Variants in ATP2B2 observed in about 807,000 individuals in gnomAD.
The protein encoded by ATP2B2 is plasma membrane calcium-transporting ATPase 2.
ATP2B2 carries 15 observed loss-of-function variants against 120.0 expected under a neutral mutation model. That is an observed-to-expected ratio of 0.12 (90% CI 0.08 to 0.19). The LOEUF (loss-of-function observed/expected upper bound fraction) is 0.19. Ranked by LOEUF, ATP2B2 falls within the 10% of genes least tolerant of loss-of-function variation. The pLI, the probability that ATP2B2 is intolerant of heterozygous loss-of-function variation, is 1.00. For synonymous variants in ATP2B2, 694 were observed against 700.3 expected, an observed-to-expected ratio of 0.99 and a Z score of 0.14; for missense variants, 1,045 against 1,719.8, an observed-to-expected ratio of 0.61 and a Z score of 6.94.
chr3:10,513,220 G>T (rs900407653), intron 3 of ATP2B2, among the ~76,000 whole-genome samples: 2 of 152,206 alleles, frequency 1.3e-5, no homozygotes, highest in Non-Finnish European at 2.9e-5. Context: ...TCCTCGAGGG[G>T]GTGATGACTG....
intron 1 of ATP2B2, among the ~76,000 whole-genome samples, chr3:10,692,317 C>G (rs1407056576): frequency 6.6e-6 from 1 of 152,204 alleles, no homozygotes; most frequent in Non-Finnish European, 1.5e-5. Context: ...TGCCTCTCCC[C>G]CCAACCGTCA....
At chr3:10,547,246 G>A (rs554805474) in intron 2 of ATP2B2, among the ~76,000 whole-genome samples, 7 of 152,218 alleles carry the variant, frequency 4.6e-5, no homozygotes, top group African/African-American at 9.6e-5. Flanking sequence ...GCCCAGAACC[G>A]ACTGCCACTG....
chr3:10,405,534 G>A (rs1012169166), intron 3 of ATP2B2, among the ~76,000 whole-genome samples: 1 of 152,170 alleles, frequency 6.6e-6, no homozygotes, highest in African/African-American at 2.4e-5. Context: ...GAAGAGAATA[G>A]GAAGGGGAGG....
chr3:10,522,562 A>C (rs184854892), intron 3 of ATP2B2, among the ~76,000 whole-genome samples: 243 of 152,322 alleles, frequency 1.6e-3, no homozygotes, highest in Admixed American at 7.8e-3. Context: ...TGTGTTTGGA[A>C]ACCACCCAAG....
chr3:10,652,543 C>T (rs28701888), intron 1 of ATP2B2, among the ~76,000 whole-genome samples: 49,680 of 152,054 alleles, frequency 0.33, 12,615 homozygotes, highest in African/African-American at 0.7. Context: ...ACAGAACCAG[C>T]ATGACGATTC....
At chr3:10,336,957 A>G (rs79849400) in intron 22 of ATP2B2, among the ~76,000 whole-genome samples, 5,542 of 152,230 alleles carry the variant, frequency 0.036, 342 homozygotes, top group African/African-American at 0.13. Flanking sequence ...CACCAGGGAC[A>G]TATTCACTGA....
intron 7 of ATP2B2, 98 bp from the exon 8 acceptor site, chr3:10,385,425 C>A: frequency 9.8e-7 from 1 of 1,025,070 alleles, no homozygotes. Flanking sequence ...TAACATGACT[C>A]TATTCTTAAA....
intron 1 of ATP2B2, among the ~76,000 whole-genome samples, chr3:10,694,738 A>G (rs1158233117): frequency 3.3e-5 from 5 of 152,070 alleles, no homozygotes; most frequent in Non-Finnish European, 7.4e-5. Flanking sequence ...GGGGATATAC[A>G]TTTTCCTGAT....
intron 2 of ATP2B2, among the ~76,000 whole-genome samples, chr3:10,597,436 C>T (rs1310032277): frequency 6.6e-6 from 1 of 152,178 alleles, no homozygotes; most frequent in Non-Finnish European, 1.5e-5. Context: ...CCATCGGCCC[C>T]TTCTACAGGG....
chr3:10,588,287 C>T (rs954810357), intron 2 of ATP2B2, among the ~76,000 whole-genome samples: 1 of 152,126 alleles, frequency 6.6e-6, no homozygotes, highest in Non-Finnish European at 1.5e-5. Flanking sequence ...GCCAAATGTC[C>T]CTAGGGGTAA....
At chr3:10,650,195 TAGTG>T (rs2070419288) in intron 1 of ATP2B2, among the ~76,000 whole-genome samples, 2 of 152,194 alleles carry the variant, frequency 1.3e-5, no homozygotes, top group Admixed American at 1.3e-4. Context: ...AAAATGCTCA[TAGTG>T]ATATAAACAA....
intron 11 of ATP2B2, among the ~76,000 whole-genome samples, chr3:10,373,036 T>C (rs2061287321): frequency 6.6e-6 from 1 of 152,232 alleles, no homozygotes; most frequent in Non-Finnish European, 1.5e-5. Context: ...AGCTTTATGT[T>C]ACTAAAAATG....
Position 10,385,335 on chromosome 3 carries a change from GGGGT to G in ATP2B2, c.941-12_941-9del. On this transcript the variant is annotated splice_polypyrimidine_tract_variant and intron_variant, in intron 7 of 22. Coordinates refer to ENST00000360273, the MANE Select transcript of ATP2B2 (RefSeq NM_001001331.4). ...CTGCCGCACCGTCTGCTGCTGCAGG[GGGGT>G]GGGAGGGATGGAAAATGCAGTGTCA... The G allele has an allele frequency of 6.2e-7, 1 of 1,613,358 alleles. No individual in the cohort carries two copies. The highest frequency in any genetic ancestry group is 8.5e-7 in the Non-Finnish European group (1 of 1,179,788).
chr3:10,391,009 G>C (rs567591589), intron 5 of ATP2B2, among the ~76,000 whole-genome samples: 1 of 152,332 alleles, frequency 6.6e-6, no homozygotes, highest in East Asian at 1.9e-4. Flanking sequence ...AGACAGATAA[G>C]AAACTGGGGT....
chr3:10,658,602 C>A (rs7649204), intron 1 of ATP2B2, among the ~76,000 whole-genome samples: 33,368 of 151,858 alleles, frequency 0.22, 6,131 homozygotes, highest in African/African-American at 0.5. Flanking sequence ...TGTGAAAAGA[C>A]CAAATCTACA....
intron 3 of ATP2B2, among the ~76,000 whole-genome samples, chr3:10,533,736 C>T (rs1428400755): frequency 6.6e-6 from 1 of 152,226 alleles, no homozygotes; most frequent in African/African-American, 2.4e-5. Context: ...CCTGGGCTCC[C>T]CAGTGCCAGT....
intron 5 of ATP2B2, among the ~76,000 whole-genome samples, chr3:10,391,971 T>C (rs1393150998): frequency 1.3e-5 from 2 of 152,104 alleles, no homozygotes; most frequent in African/African-American, 4.8e-5. Flanking sequence ...CTGAATGCCT[T>C]TCCCTCACCT....
At chr3:10,690,195 T>G (rs1447023182) in intron 1 of ATP2B2, among the ~76,000 whole-genome samples, 3 of 152,200 alleles carry the variant, frequency 2.0e-5, no homozygotes, top group Non-Finnish European at 2.9e-5. Context: ...CGTCCAGGCT[T>G]GACATAGGGG....
chr3:10,451,869 C>A (rs908943695), intron 1 of ATP2B2, among the ~76,000 whole-genome samples: 1 of 152,198 alleles, frequency 6.6e-6, no homozygotes, highest in African/African-American at 2.4e-5. Flanking sequence ...TGAATAAAAA[C>A]AAACAACAAT....
Sources: gnomAD v4.1 joint callset for allele counts (sites outside exome capture counted in the v4.1 genomes callset) on GRCh38, gnomAD v4.1.1 for gene constraint, MANE v1.5 for transcripts, NCBI Gene and HGNC (gene_info 2026-07-23, HGNC 2026-07-21) for gene names.